Variants in CACNA1B observed in about 807,000 individuals in gnomAD.
CACNA1B encodes the protein calcium voltage-gated channel subunit alpha1 B, also known as voltage-dependent N-type calcium channel subunit alpha-1B.
In CACNA1B, 70 loss-of-function variants were observed where a neutral mutation model predicts 247.2. That is an observed-to-expected ratio of 0.28 (90% CI 0.23 to 0.35). CACNA1B has a LOEUF of 0.35. CACNA1B is among the 10% of genes least tolerant of loss of function. CACNA1B has a pLI of 1.00. For missense variants in CACNA1B, 2,367 were observed against 3,197.4 expected, an observed-to-expected ratio of 0.74 and a Z score of 6.26; for synonymous variants, 1,231 against 1,294.4, an observed-to-expected ratio of 0.95 and a Z score of 1.05.
At chr9:138,098,874 G>A (rs1172130374) in intron 37 of CACNA1B, among the ~76,000 whole-genome samples, 2 of 152,212 alleles carry the variant, frequency 1.3e-5, no homozygotes, top group Middle Eastern at 3.2e-3. Flanking sequence ...AGCAGCCTGG[G>A]CTCACCCTAC....
chr9:137,898,891 C>T (rs1195838871), intron 3 of CACNA1B, among the ~76,000 whole-genome samples: 19 of 151,848 alleles, frequency 1.3e-4, no homozygotes, highest in Non-Finnish European at 1.0e-4. Context: ...CCATGTTAGC[C>T]AGGATGTCTC....
intron 3 of CACNA1B, among the ~76,000 whole-genome samples, chr9:137,908,193 A>C (rs1243745513): frequency 6.6e-6 from 1 of 152,186 alleles, no homozygotes; most frequent in East Asian, 1.9e-4. Flanking sequence ...AAGTTCTACC[A>C]GGGTTCTGCT....
Position 138,096,375 on chromosome 9 carries a change from T to C in CACNA1B, c.5095-109T>C. On this transcript the variant is annotated intron_variant, in intron 36 of 46. Coordinates refer to ENST00000371372, the MANE Select transcript of CACNA1B (RefSeq NM_000718.4). ...CGGGCATGTGCTGGTCAAATCAGAG[T>C]GACCCCTGCTATCCTGAGAGCTTCA... 3.5e-6 allele frequency: 3 copies of C among 868,474 alleles called. No homozygotes were observed. In the Admixed American group the frequency reaches 5.8e-5, roughly 17 times the overall value. 53.8% of individuals were successfully genotyped at this position (868,474 alleles called of 1,614,324 possible).
chr9:137,958,835 T>C (rs1023706678), intron 10 of CACNA1B, among the ~76,000 whole-genome samples: 1 of 152,124 alleles, frequency 6.6e-6, no homozygotes, highest in Admixed American at 6.6e-5. Flanking sequence ...ATTTGATGAG[T>C]GTAGAGTAAT....
intron 35 of CACNA1B, among the ~76,000 whole-genome samples, chr9:138,077,714 G>A (rs1960375554): frequency 6.6e-6 from 1 of 152,116 alleles, no homozygotes; most frequent in South Asian, 2.1e-4. Context: ...ACAGGATATG[G>A]AGAGAGAGAG....
At position 138,039,024 on chromosome 9, in the gene CACNA1B, G is replaced by C. The variant is rs563487802; in HGVS notation, c.3287-4750G>C. ...ACATGGCAAAACCCCGTCTCTGCTGGGAAAAAAAAAAGTGTATAAAAATTA... is the reference window on the plus strand; with the variant it reads ...ACATGGCAAAACCCCGTCTCTGCTGCGAAAAAAAAAAGTGTATAAAAATTA... On this transcript the variant is annotated intron_variant, in intron 20 of 46. Transcript: ENST00000371372. Among the ~76,000 whole-genome samples the C allele has an allele frequency of 3.3e-5, 5 of 151,404 alleles. No individual in the cohort carries two copies. The East Asian group carries it at 9.7e-4, about 29-fold the overall frequency.
chr9:137,887,950 A>G (rs1167401057), intron 3 of CACNA1B, among the ~76,000 whole-genome samples: 2 of 147,466 alleles, frequency 1.4e-5, no homozygotes, highest in Admixed American at 6.7e-5. Flanking sequence ...GTGTCCTTCC[A>G]CTGGGGTGGG....
rs868716146 is a variant in CACNA1B, at chr9:137,954,883, A to T, written c.1071-815A>T. Among the ~76,000 whole-genome samples, 4,617 of 89,220 alleles carry T rather than the reference A, an allele frequency of 0.052. 87 individuals carry two copies. The highest frequency in any genetic ancestry group is 0.11 in the African/African-American group (1,127 of 9,880). 58.5% of individuals were successfully genotyped at this position (89,220 alleles called of 152,430 possible). ...GTGTGTGTGTGTGTGTGTGTGTGAG[A>T]GAGAGAGAGAGAGAGAGAGGGGGAG... On this transcript the variant is annotated intron_variant, in intron 7 of 46. Coordinates refer to ENST00000371372, the MANE Select transcript of CACNA1B (RefSeq NM_000718.4). The surrounding 1 kb of genome is among the most constrained non-coding windows in gnomAD (Gnocchi z 4.1).
intron 32 of CACNA1B, among the ~76,000 whole-genome samples, chr9:138,071,784 G>A (rs886905535): frequency 1.3e-5 from 2 of 152,062 alleles, no homozygotes; most frequent in Non-Finnish European, 2.9e-5. Flanking sequence ...TGTCTTCAGG[G>A]AATCTTGTCT....
intron 3 of CACNA1B, among the ~76,000 whole-genome samples, chr9:137,889,179 C>T (rs1376315389): frequency 4.0e-5 from 6 of 150,378 alleles, no homozygotes; most frequent in African/African-American, 9.7e-5. Context: ...GGCCAGGACA[C>T]GTTGGAGCAT....
chr9:138,120,856 G>T lies in CACNA1B; in HGVS notation c.6464G>T (p.Gly2155Val). ...LSSHPTSPTAGQEPGPHPQGS... is the reference protein window; with the variant it reads ...LSSHPTSPTAVQEPGPHPQGS... ...AGCCACCCAACGTCGCCAACAGCTG[G>T]CCAGGAGCCGGGACCCCACCCACAG... The change falls in exon 46 of 47, where the codon GGC (glycine) becomes GTC (valine). Residue 2155 changes from glycine (G) to valine (V), a missense_variant. By Grantham distance (109) the Gly-to-Val change is moderately radical. Transcript: ENST00000371372. The T allele has an allele frequency of 6.4e-7, 1 of 1,572,256 alleles. No homozygotes were observed. Among genetic ancestry groups the T allele is most frequent in the South Asian group, 1.2e-5 (1 of 85,510 alleles).
At chr9:138,117,774 T>C (rs1256050084) in intron 42 of CACNA1B, among the ~76,000 whole-genome samples, 172 bp from the exon 43 acceptor site, 5 of 152,086 alleles carry the variant, frequency 3.3e-5, no homozygotes. Flanking sequence ...ACAGGCCACG[T>C]TGGGGCTCTT....
Position 138,076,950 on chromosome 9 carries a change from T to A in CACNA1B, c.4949+1040T>A, listed in dbSNP as rs376762521. On this transcript the variant is annotated intron_variant, in intron 35 of 46. Coordinates refer to ENST00000371372, the MANE Select transcript of CACNA1B (RefSeq NM_000718.4). The stretch of plus-strand genomic sequence containing the variant: ...AGGCTGACACTGTCCCCAGATGATG[T>A]TGTTTGGCTGGGCTTTAGCTGCTGC... Among the ~76,000 whole-genome samples, 12 of 152,350 alleles carry A rather than the reference T, an allele frequency of 7.9e-5. No individual in the cohort carries two copies. The East Asian group carries it at 1.7e-3, about 22-fold the overall frequency.
chr9:138,119,717 G>T (rs1454036732), intron 44 of CACNA1B, among the ~76,000 whole-genome samples: 1 of 152,166 alleles, frequency 6.6e-6, no homozygotes, highest in African/African-American at 2.4e-5. Flanking sequence ...TGCAGCCTGT[G>T]CTGGGGCCTC....
rs575045201 is a variant in CACNA1B, at chr9:137,896,340, A to G, written c.530+13457A>G. Among the ~76,000 whole-genome samples the G allele has an allele frequency of 2.0e-5, 3 of 151,990 alleles. No homozygotes were observed. In the South Asian group the frequency reaches 6.2e-4, roughly 32 times the overall value. On this transcript the variant is annotated intron_variant, in intron 3 of 46. Coordinates refer to ENST00000371372, the MANE Select transcript of CACNA1B (RefSeq NM_000718.4). ...GTTCCAGTTTTCCAGGCACTATTATAGTAAATGACTGTTAGATTTTATCAA... is the reference window on the plus strand; with the variant it reads ...GTTCCAGTTTTCCAGGCACTATTATGGTAAATGACTGTTAGATTTTATCAA...
intron 16 of CACNA1B, among the ~76,000 whole-genome samples, chr9:138,008,649 G>A (rs1233446371): frequency 2.0e-5 from 3 of 152,256 alleles, no homozygotes; most frequent in African/African-American, 7.2e-5. Flanking sequence ...ATTCGGCCTG[G>A]CAGAGGCCAG....
intron 39 of CACNA1B, 47 bp downstream of exon 39, chr9:138,105,854 C>A: frequency 9.9e-7 from 1 of 1,013,040 alleles, no homozygotes. Flanking sequence ...CAGGGATGTG[C>A]ACCTCCGCCC....
intron 6 of CACNA1B, among the ~76,000 whole-genome samples, chr9:137,928,597 C>CT (rs1246099587): frequency 6.6e-5 from 10 of 151,948 alleles, no homozygotes; most frequent in Non-Finnish European, 1.3e-4. Context: ...TTTTGGAGAT[C>CT]TTTTTTTTAA....
chr9:138,120,478 A>G, intron 45 of CACNA1B, 106 bp downstream of exon 45: 1 of 1,395,438 alleles, frequency 7.2e-7, no homozygotes, highest in South Asian at 1.4e-5. Context: ...TCGTGACCCC[A>G]TAACCAGCCA....
Sources: gnomAD v4.1 joint callset for allele counts (sites outside exome capture counted in the v4.1 genomes callset) on GRCh38, gnomAD v4.1.1 for gene constraint, Gnocchi (gnomAD v3.1) non-coding constraint, MANE v1.5 for transcripts, NCBI Gene and HGNC (gene_info 2026-07-23, HGNC 2026-07-21) for gene names.